The following KHDRBS2 variants were observed in gnomAD, a reference collection of about 807,000 sequenced individuals.
KHDRBS2 encodes KH RNA binding domain containing, signal transduction associated 2.
Under a neutral mutation model 44.3 loss-of-function variants are expected in KHDRBS2, and 26 were observed. That is an observed-to-expected ratio of 0.59 (90% CI 0.43 to 0.81). The LOEUF is 0.81. Among genes scored for constraint, KHDRBS2 ranks in the 40% least tolerant of loss-of-function variants. KHDRBS2 has a pLI of 0.00. For synonymous variants in KHDRBS2, 194 were observed against 151.1 expected (o/e 1.28, Z -2.08); for missense variants, 476 against 433.1 (o/e 1.10, Z -0.88).
rs544438358 is a variant in KHDRBS2, at chr6:61,865,444, G to A, written c.810+29191C>T. On this transcript the variant is annotated intron_variant, in intron 6 of 8. Transcript: ENST00000281156. Reference sequence around the variant, plus strand: ...CAGGCAAAAAGAGAAAGCTTGAGCAGGGGAACTCCTCATTATAAAAACCAT... The same window carrying A: ...CAGGCAAAAAGAGAAAGCTTGAGCAAGGGAACTCCTCATTATAAAAACCAT... 6.0e-4 allele frequency among the ~76,000 whole-genome samples: 91 copies of A among 152,238 alleles called. 1 individual carries two copies. The South Asian group carries it at 0.019, about 32-fold the overall frequency.
intron 2 of KHDRBS2, among the ~76,000 whole-genome samples, chr6:62,176,220 A>C (rs1821062601): frequency 6.6e-6 from 1 of 151,414 alleles, no homozygotes; most frequent in African/African-American, 2.4e-5. Flanking sequence ...TATTTTAAAA[A>C]CATATACCTA....
chr6:61,569,892 G>A, the KHDRBS2 span, among the ~76,000 whole-genome samples: 2 of 152,148 alleles, frequency 1.3e-5, no homozygotes, highest in African/African-American at 2.4e-5. Context: ...ACCATGCCAA[G>A]GAATTACCCC....
chr6:61,829,264 C>T (rs1277571748), intron 6 of KHDRBS2, among the ~76,000 whole-genome samples: 1 of 152,124 alleles, frequency 6.6e-6, no homozygotes, highest in African/African-American at 2.4e-5. Flanking sequence ...CGGGTTAAAG[C>T]AATTCTCCTG....
chr6:61,654,411 G>A, the KHDRBS2 span, among the ~76,000 whole-genome samples: 1 of 151,884 alleles, frequency 6.6e-6, no homozygotes, highest in East Asian at 2.0e-4. Flanking sequence ...ATGATTGCTA[G>A]TGTTCATGAA....
chr6:61,980,349 G>C (rs1773579252), intron 3 of KHDRBS2, among the ~76,000 whole-genome samples: 1 of 152,018 alleles, frequency 6.6e-6, no homozygotes, highest in Non-Finnish European at 1.5e-5. Context: ...CCAGGTGCTG[G>C]TATTTTGCCC....
At chr6:62,154,144 G>A (rs1815856182) in intron 2 of KHDRBS2, among the ~76,000 whole-genome samples, 1 of 152,194 alleles carries the variant, frequency 6.6e-6, no homozygotes, top group Non-Finnish European at 1.5e-5. Flanking sequence ...AAAGGTATCA[G>A]AGAAGACTTT....
At chr6:62,062,609 T>A (rs953028634) in intron 2 of KHDRBS2, among the ~76,000 whole-genome samples, 3 of 148,960 alleles carry the variant, frequency 2.0e-5, no homozygotes, top group Non-Finnish European at 4.5e-5. Context: ...TACCAGAATC[T>A]CTGGGACGCA....
chr6:62,093,856 TTGTGTGTGTGTGTGTGTG>T (rs61194705), intron 2 of KHDRBS2, among the ~76,000 whole-genome samples: 2 of 143,212 alleles, frequency 1.4e-5, no homozygotes, highest in Admixed American at 7.0e-5. Context: ...TTCCATTGTT[TTGTGTGTGTGTGTGTGTG>T]TGTGTGTGTG....
intron 1 of KHDRBS2, among the ~76,000 whole-genome samples, chr6:62,250,683 G>A (rs1836371671): frequency 6.6e-6 from 1 of 151,942 alleles, no homozygotes; most frequent in African/African-American, 2.4e-5. Flanking sequence ...GACAAGATAT[G>A]AATTATCAAT....
the KHDRBS2 span, among the ~76,000 whole-genome samples, chr6:61,611,721 C>T: frequency 6.6e-6 from 1 of 152,126 alleles, no homozygotes; most frequent in South Asian, 2.1e-4. Flanking sequence ...TCATTTGATT[C>T]TTTGTTCAAA....
chr6:62,277,502 T>G (rs1561905164), intron 1 of KHDRBS2, among the ~76,000 whole-genome samples: 1 of 151,878 alleles, frequency 6.6e-6, no homozygotes, highest in Non-Finnish European at 1.5e-5. Flanking sequence ...CCACCACGCC[T>G]GGCTAATTTT....
At chr6:61,543,242 G>T in the KHDRBS2 span, among the ~76,000 whole-genome samples, 1 of 151,736 alleles carries the variant, frequency 6.6e-6, no homozygotes, top group Non-Finnish European at 1.5e-5. Context: ...AGTATATAAT[G>T]ATCTCAAAAA....
At chr6:61,863,529 C>T (rs528363062) in intron 6 of KHDRBS2, among the ~76,000 whole-genome samples, 1 of 152,058 alleles carries the variant, frequency 6.6e-6, no homozygotes, top group South Asian at 2.1e-4. Flanking sequence ...TTGATTTCTG[C>T]CTTAATTTCA....
At chr6:62,023,819 ATTAC>A (rs1482468268) in intron 3 of KHDRBS2, among the ~76,000 whole-genome samples, 2 of 151,282 alleles carry the variant, frequency 1.3e-5, no homozygotes, top group African/African-American at 4.8e-5. Context: ...TATTCCTAAA[ATTAC>A]TTAGATATGC....
In KHDRBS2 at chr6:62,172,433, G is replaced by A. The variant is rs1375736681; in HGVS notation, c.219+4752C>T. Among the ~76,000 whole-genome samples, 4 of 151,860 alleles carry A rather than the reference G, an allele frequency of 2.6e-5. No individual in the cohort carries two copies. In the East Asian group the frequency reaches 7.7e-4, roughly 29 times the overall value. On this transcript the variant is annotated intron_variant, in intron 2 of 8. Coordinates refer to ENST00000281156, the MANE Select transcript of KHDRBS2 (RefSeq NM_152688.4). ...ACATAGGAGTACCCAGATTAATAAA[G>A]CAAATTCTTAGAGGCCTACAAAGAA...
chr6:61,629,447 C>CTCA, the KHDRBS2 span, among the ~76,000 whole-genome samples: 1 of 152,040 alleles, frequency 6.6e-6, no homozygotes, highest in East Asian at 1.9e-4. Flanking sequence ...TTTTCATTTT[C>CTCA]TGGTAAAGAG....
chr6:62,284,071 T>C (rs1842151262), intron 1 of KHDRBS2, among the ~76,000 whole-genome samples: 1 of 152,290 alleles, frequency 6.6e-6, no homozygotes, highest in African/African-American at 2.4e-5. Flanking sequence ...CTAAGTATTA[T>C]ATCAAGAAAT....
intron 1 of KHDRBS2, among the ~76,000 whole-genome samples, chr6:62,279,989 G>A (rs1383613026): frequency 1.3e-5 from 2 of 152,168 alleles, no homozygotes; most frequent in Admixed American, 1.3e-4. Context: ...AGACAGAGAG[G>A]AGCTGTTTCT....
chr6:61,900,668 T>C (rs1298338340), intron 5 of KHDRBS2, among the ~76,000 whole-genome samples: 1 of 152,202 alleles, frequency 6.6e-6, no homozygotes, highest in African/African-American at 2.4e-5. Flanking sequence ...CCATCAGCCA[T>C]GCAAGAAGTG....
Sources: allele counts gnomAD v4.1 joint callset (sites outside exome capture counted in the v4.1 genomes callset), GRCh38; gene constraint gnomAD v4.1.1; transcripts MANE v1.5; gene names NCBI Gene and HGNC (gene_info 2026-07-23, HGNC 2026-07-21).